Variants in SLC8A1 observed in about 807,000 individuals in gnomAD.
SLC8A1 encodes the protein sodium/calcium exchanger 1.
SLC8A1 carries 18 observed loss-of-function variants against 68.3 expected under a neutral mutation model. The ratio of observed to expected loss-of-function variants is 0.26; its 90% CI spans 0.18 to 0.39. The LOEUF (loss-of-function observed/expected upper bound fraction) is 0.39, where lower values mean the gene tolerates loss of function less well. Among genes scored for constraint, SLC8A1 ranks in the 10% least tolerant of loss-of-function variants. SLC8A1 has a pLI of 1.00. For missense variants in SLC8A1, 985 were observed against 1,156.7 expected (o/e 0.85, Z 2.15); for synonymous variants, 475 against 415.5 (o/e 1.14, Z -1.74).
chr2:40,131,858 AT>A (rs71404277), intron 7 of SLC8A1, among the ~76,000 whole-genome samples: 454 of 95,488 alleles, frequency 4.8e-3, no homozygotes, highest in Non-Finnish European at 6.0e-3. Flanking sequence ...TTGGTATTCT[AT>A]TTTTTTTTTT....
At position 40,250,571 on chromosome 2, in the gene SLC8A1, T is replaced by G. The variant is rs941669124; in HGVS notation, c.1809-72716A>C. The G allele has an allele frequency of 2.6e-5, 4 of 152,184 alleles. No individual in the cohort carries two copies. In the East Asian group the frequency reaches 7.7e-4, roughly 29 times the overall value. The allele number at this position is 152,184 out of a possible 1,614,324, so 9.4% of individuals were successfully genotyped here. ...CGTGTGTTTATAATTCTGATGCCTA[T>G]CTCTCTGAAGAGTGACTCTTCGAGT... On this transcript the variant is annotated intron_variant, in intron 2 of 7. Transcript: ENST00000406785.
intron 2 of SLC8A1, among the ~76,000 whole-genome samples, chr2:40,360,243 G>A (rs964306858): frequency 3.3e-5 from 5 of 152,122 alleles, no homozygotes; most frequent in Non-Finnish European, 5.9e-5. Context: ...TAGGCACTCC[G>A]TAAATAAAGG....
intron 6 of SLC8A1, among the ~76,000 whole-genome samples, chr2:40,143,011 C>T (rs2041869744): frequency 6.6e-6 from 1 of 151,796 alleles, no homozygotes; most frequent in African/African-American, 2.4e-5. Context: ...CTGTAGGCTT[C>T]CAATATCACA....
intron 2 of SLC8A1, among the ~76,000 whole-genome samples, chr2:40,295,419 G>A (rs2149247625): frequency 6.6e-6 from 1 of 152,146 alleles, no homozygotes; most frequent in East Asian, 1.9e-4. Context: ...GTAACATATT[G>A]AATGTAAAAA....
chr2:40,458,922 A>G (rs1263599728), intron 1 of SLC8A1, among the ~76,000 whole-genome samples: 2 of 152,224 alleles, frequency 1.3e-5, no homozygotes, highest in Non-Finnish European at 2.9e-5. Flanking sequence ...GTTGGTCATC[A>G]AGCAACTCTT....
chr2:40,122,206 G>GCGCGCA (rs1553339125), intron 7 of SLC8A1, among the ~76,000 whole-genome samples: 2 of 124,466 alleles, frequency 1.6e-5, no homozygotes, highest in African/African-American at 5.3e-5. Flanking sequence ...ATGCGCGCGC[G>GCGCGCA]CACACACACA....
intron 2 of SLC8A1, among the ~76,000 whole-genome samples, chr2:40,216,465 A>T (rs1357540927): frequency 6.6e-6 from 1 of 152,126 alleles, no homozygotes; most frequent in African/African-American, 2.4e-5. Flanking sequence ...ATAAACATAC[A>T]TGTGCATGTG....
chr2:40,371,589 T>C (rs752150210), intron 2 of SLC8A1, among the ~76,000 whole-genome samples: 37 of 152,152 alleles, frequency 2.4e-4, no homozygotes, highest in Non-Finnish European at 4.4e-4. Context: ...GCACAATACA[T>C]AGTCAACTTG....
chr2:40,277,857 T>A (rs2066973990), intron 2 of SLC8A1, among the ~76,000 whole-genome samples: 2 of 146,746 alleles, frequency 1.4e-5, no homozygotes, highest in Non-Finnish European at 1.5e-5. Context: ...GCTTACTATG[T>A]GCAGGGCACT....
intron 2 of SLC8A1, among the ~76,000 whole-genome samples, chr2:40,310,093 C>G (rs928025288): frequency 6.6e-6 from 1 of 152,192 alleles, no homozygotes; most frequent in African/African-American, 2.4e-5. Context: ...TTTCACCCAG[C>G]AGAATGTTTT....
Position 40,263,940 on chromosome 2 carries a change from A to C in SLC8A1, c.1809-86085T>G, listed in dbSNP as rs189057186. 1.4e-3 allele frequency among the ~76,000 whole-genome samples: 210 copies of C among 152,330 alleles called. 5 individuals are homozygous for C. The East Asian group carries it at 0.036, about 26-fold the overall frequency. Reference sequence around the variant, plus strand: ...CTACAGAATGGCAGAAAATTTTCACAACCTACTCATCTGACAAAGGGCTAA... The same window carrying C: ...CTACAGAATGGCAGAAAATTTTCACCACCTACTCATCTGACAAAGGGCTAA... On this transcript the variant is annotated intron_variant, in intron 2 of 7. Coordinates refer to ENST00000406785, the Ensembl canonical transcript of SLC8A1.
At chr2:40,378,070 C>G (rs544196243) in intron 2 of SLC8A1, among the ~76,000 whole-genome samples, 9 of 152,120 alleles carry the variant, frequency 5.9e-5, no homozygotes, top group African/African-American at 2.2e-4. Flanking sequence ...ATGCGTTGTT[C>G]TAGGAGCTGG....
intron 2 of SLC8A1, among the ~76,000 whole-genome samples, chr2:40,409,085 T>C (rs1691306898): frequency 6.6e-6 from 1 of 152,126 alleles, no homozygotes; most frequent in African/African-American, 2.4e-5. Context: ...ACCTGTAAAG[T>C]GCTGCTTTTT....
At chr2:40,099,701 A>G (rs1572670051) in exon 8 of SLC8A1, 1 of 151,916 alleles carries the variant, frequency 6.6e-6, no homozygotes, top group East Asian at 1.9e-4. Context: ...ATGATATGCC[A>G]CCCTTTTCTT....
In SLC8A1 at chr2:40,503,745, C is replaced by T. The variant is rs1364288820; in HGVS notation, c.-25+8604G>A. Among the ~76,000 whole-genome samples the T allele has an allele frequency of 4.6e-5, 7 of 151,618 alleles. No homozygotes were observed. In the East Asian group the frequency reaches 1.2e-3, roughly 25 times the overall value. ...ATTAAATACCTAGGAATTAACTTAA[C>T]CAAAGAAGTGAAAGATTACTACAAT... On this transcript the variant is annotated intron_variant, in intron 1 of 7. Transcript: ENST00000402441.
intron 7 of SLC8A1, among the ~76,000 whole-genome samples, chr2:40,131,288 C>T (rs528856101): frequency 7.9e-5 from 12 of 152,300 alleles, no homozygotes; most frequent in South Asian, 2.1e-4. Context: ...CCCCTCAGCA[C>T]GTAGTCATTG....
chr2:40,405,237 G>A (rs557058829), intron 2 of SLC8A1, among the ~76,000 whole-genome samples: 2 of 152,288 alleles, frequency 1.3e-5, no homozygotes, highest in East Asian at 1.9e-4. Context: ...TCTTATTACC[G>A]AGTGGAGAAG....
intron 1 of SLC8A1, among the ~76,000 whole-genome samples, chr2:40,463,728 T>C (rs1703473172): frequency 6.6e-6 from 1 of 152,208 alleles, no homozygotes; most frequent in Middle Eastern, 3.4e-3. Flanking sequence ...CTTGGTGGAA[T>C]CTTGTTCTTT....
At chr2:40,499,219 G>A (rs573144557) in intron 1 of SLC8A1, among the ~76,000 whole-genome samples, 107 of 152,174 alleles carry the variant, frequency 7.0e-4, no homozygotes, top group Non-Finnish European at 1.3e-3. Context: ...TGCTGCGTTT[G>A]CTCACAGTGG....
Sources: gnomAD v4.1 joint callset for allele counts (sites outside exome capture counted in the v4.1 genomes callset) on GRCh38, gnomAD v4.1.1 for gene constraint, MANE v1.5 for transcripts, NCBI Gene and HGNC (gene_info 2026-07-23, HGNC 2026-07-21) for gene names.